The following ELL3 variants were observed in gnomAD, a reference collection of about 807,000 sequenced individuals.
ELL3 encodes the protein RNA polymerase II elongation factor ELL3.
Under a neutral mutation model 58.5 loss-of-function variants are expected in ELL3, and 48 were observed. The observed-to-expected ratio is 0.82, with a 90% CI of 0.65 to 1.04. The LOEUF (loss-of-function observed/expected upper bound fraction) is 1.04, where lower values mean the gene tolerates loss of function less well. ELL3 is among the 50% of genes least tolerant of loss of function. ELL3 has a pLI of 0.00. For synonymous variants in ELL3, 174 were observed against 173.2 expected, an observed-to-expected ratio of 1.00 and a Z score of -0.04; for missense variants, 458 against 478.4, an observed-to-expected ratio of 0.96 and a Z score of 0.40.
chr15:43,776,619 G>A, intron 1 of ELL3, 75 bp from the exon 2 acceptor site: 3 of 1,550,772 alleles, frequency 1.9e-6, no homozygotes, highest in South Asian at 1.2e-5. Flanking sequence ...CCGGAGCCCG[G>A]GATCACCTGC....
At chr15:43,775,272 T>G in intron 6 of ELL3, 34 bp downstream of exon 6, 3 of 1,555,002 alleles carry the variant, frequency 1.9e-6, no homozygotes, top group Non-Finnish European at 2.6e-6. Flanking sequence ...TATATTAATG[T>G]TACAAAAAAA....
At position 43,776,221 on chromosome 15, in the gene ELL3, G is replaced by GA. The variant is rs2086915814; in HGVS notation, c.169-71_169-70insT. 4 of 1,414,846 alleles carry GA rather than the reference G, an allele frequency of 2.8e-6. No homozygotes were observed. The East Asian group carries it at 9.3e-5, about 33-fold the overall frequency. The allele number at this position is 1,414,846 out of a possible 1,614,324, so 87.6% of individuals were successfully genotyped here. A position where few individuals can be genotyped will look rare whatever the true frequency, so the allele number is the denominator to read the frequency against. Reference sequence around the variant, plus strand: ...CCCCTCCTGCCGCCGCCACTCGTCCGGGAGCCAGTCCGTAAGTAAGACTAA... The same window carrying GA: ...CCCCTCCTGCCGCCGCCACTCGTCCGAGGAGCCAGTCCGTAAGTAAGACTAA... On this transcript the variant is annotated intron_variant, in intron 2 of 10. Coordinates refer to ENST00000319359, the MANE Select transcript of ELL3 (RefSeq NM_025165.3).
chr15:43,774,367 A>C lies in ELL3; in HGVS notation c.867-14T>G, dbSNP rs372841978. On this transcript the variant is annotated splice_polypyrimidine_tract_variant and intron_variant, in intron 8 of 10. Transcript: ENST00000319359. ...GCCCTGTATTGCCTGCCAGGAGCAG[A>C]GAGTTGTCACCTTCAATTTCATTGC... The C allele has an allele frequency of 6.2e-7, 1 of 1,613,980 alleles. No homozygotes were observed. The highest frequency in any genetic ancestry group is 2.2e-5 in the East Asian group (1 of 44,886).
rs1175315606 is a variant in ELL3, at chr15:43,774,826, GTTC to G, written c.646-56_646-54del. The G allele has an allele frequency of 6.0e-6, 9 of 1,512,454 alleles. No homozygotes were observed. In the Admixed American group the frequency reaches 9.6e-5, roughly 16 times the overall value. 93.7% of individuals were successfully genotyped at this position (1,512,454 alleles called of 1,614,324 possible). On this transcript the variant is annotated intron_variant, in intron 6 of 10. Coordinates refer to ENST00000319359, the MANE Select transcript of ELL3 (RefSeq NM_025165.3). Reference sequence around the variant, plus strand: ...AAACAGCCAAGAGCTTCCTAAATATGTTCTTCTCTCAAGAATTTCTCCTAGGCT... The same window carrying G: ...AAACAGCCAAGAGCTTCCTAAATATGTTCTCTCAAGAATTTCTCCTAGGCT...
At position 43,776,547 on chromosome 15, in the gene ELL3, G is replaced by T. The variant is rs1445391116; in HGVS notation, c.133-3C>A. On this transcript the variant is annotated splice_polypyrimidine_tract_variant and splice_region_variant and intron_variant, in intron 1 of 10. Coordinates refer to ENST00000319359, the MANE Select transcript of ELL3 (RefSeq NM_025165.3). The stretch of plus-strand genomic sequence containing the variant: ...TGGAAAGCAATCACCGGCCGTACCT[G>T]CGGGGAGAGCGAAGATGTGACCGTT... The T allele has an allele frequency of 1.3e-6, 2 of 1,566,636 alleles. No individual in the cohort carries two copies. The highest frequency in any genetic ancestry group is 1.2e-5 in the South Asian group (1 of 85,612).
rs751126448 is a variant in ELL3 at position 43,774,723 on chromosome 15, T to A, written c.696A>T (p.Arg232Ser). Residue 232 changes from arginine (R) to serine (S), a missense_variant, in exon 7 of 11, where the codon AGA becomes AGT. Transcript: ENST00000319359. Reference protein sequence around the residue: ...ATVELEEKRFRTLPLVPSPLQ... With the variant: ...ATVELEEKRFSTLPLVPSPLQ... The stretch of plus-strand genomic sequence containing the variant: ...GGGGGCTTGGCACTAAAGGCAGAGT[T>A]CTGAACCTCTTTTCTTCCAGTTCTA... 6.2e-7 allele frequency: 1 copy of A among 1,613,834 alleles called. No homozygotes were observed. Among genetic ancestry groups the A allele is most frequent in the Non-Finnish European group, 8.5e-7 (1 of 1,179,910 alleles).
Position 43,776,209 on chromosome 15 carries a change from C to T in ELL3, c.169-58G>A, listed in dbSNP as rs749404488. The T allele has an allele frequency of 4.1e-6, 6 of 1,479,580 alleles. No individual in the cohort carries two copies. In the Admixed American group the frequency reaches 8.9e-5, roughly 22 times the overall value. 91.7% of individuals were successfully genotyped at this position (1,479,580 alleles called of 1,614,324 possible). A position where few individuals can be genotyped will look rare whatever the true frequency, so the allele number is the denominator to read the frequency against. ...AGTCAGCCCCTCCCCCTCCTGCCGC[C>T]GCCACTCGTCCGGGAGCCAGTCCGT... On this transcript the variant is annotated intron_variant, in intron 2 of 10. Transcript: ENST00000319359.
At chr15:43,776,341 C>A in intron 2 of ELL3, 168 bp downstream of exon 2, 2 of 1,234,444 alleles carry the variant, frequency 1.6e-6, no homozygotes. Context: ...ACCACAGCCC[C>A]CTGGGACAAC....
rs758507980 is a variant in ELL3 at position 43,775,317 on chromosome 15, G to C, written c.634C>G (p.Arg212Gly). 1.2e-6 allele frequency: 2 copies of C among 1,612,196 alleles called. No homozygotes were observed. Among genetic ancestry groups the C allele is most frequent in the Admixed American group, 3.3e-5 (2 of 59,834 alleles). The change falls in exon 6 of 11, where the codon CGT (arginine) becomes GGT (glycine). Residue 212 changes from arginine (R) to glycine (G), a missense_variant. Physicochemically the swap from Arg to Gly is moderately radical, Grantham distance 125. Transcript: ENST00000319359. ...CCATTCTAACTTACCTTGTCCAGAC[G>C]TTTCCGGCTGGCAGAGGAAGGCAGT... ...QALPSSASRKRLDKKRSVPVA... is the reference protein window; with the variant it reads ...QALPSSASRKGLDKKRSVPVA...
intron 2 of ELL3, 172 bp downstream of exon 2, chr15:43,776,337 G>T (rs947284935): frequency 2.5e-6 from 3 of 1,202,300 alleles, no homozygotes; most frequent in Non-Finnish European, 3.6e-6. Flanking sequence ...TCAAACCACA[G>T]CCCCCTGGGA....
Position 43,775,586 on chromosome 15 carries a change from T to G in ELL3, c.508A>C (p.Ser170Arg), listed in dbSNP as rs745697910. The G allele has an allele frequency of 6.2e-7, 1 of 1,614,196 alleles. No individual in the cohort carries two copies. Among genetic ancestry groups the G allele is most frequent in the Non-Finnish European group, 8.5e-7 (1 of 1,180,020 alleles). Reference sequence around the variant, plus strand: ...CCTGGGAGTGACTGTCCTTGGTTGCTTGCCAGTGGATCTGACACTGACACC... The same window carrying G: ...CCTGGGAGTGACTGTCCTTGGTTGCGTGCCAGTGGATCTGACACTGACACC... ...EEVSVSDPLASNQGQSLPGSS... is the reference protein window; with the variant it reads ...EEVSVSDPLARNQGQSLPGSS... The change falls in exon 5 of 11, where the codon AGC (serine) becomes CGC (arginine). Residue 170 changes from serine (S) to arginine (R), a missense_variant. Transcript: ENST00000319359.
At position 43,775,873 on chromosome 15, in the gene ELL3, A is replaced by G. The variant is rs1363305115; in HGVS notation, c.332T>C (p.Ile111Thr). The change falls in exon 4 of 11, where the codon ATT (isoleucine) becomes ACT (threonine). Residue 111 changes from isoleucine (I) to threonine (T), a missense_variant. By Grantham distance (89) the Ile-to-Thr change is moderately conservative (BLOSUM62 -1). Transcript: ENST00000319359. ...GATAGAATCCATGGCTGCCCAAATAATGAGGCGCTCCCTGAGTGAGCCCAG... is the reference window on the plus strand; with the variant it reads ...GATAGAATCCATGGCTGCCCAAATAGTGAGGCGCTCCCTGAGTGAGCCCAG... ...HCLGSLRERL[I>T]IWAAMDSIPA... 1 of 1,614,196 alleles carries G rather than the reference A, an allele frequency of 6.2e-7. No homozygotes were observed. The highest frequency in any genetic ancestry group is 8.5e-7 in the Non-Finnish European group (1 of 1,180,046).
In ELL3 at chr15:43,776,508, C is replaced by T; in HGVS notation, c.168+1G>A. ...CTCACACACCCTGAGCTCGCACTTA[C>T]CCCTCGGTGGCCTTGGAAAGCAATC... On this transcript the variant is annotated splice_donor_variant, in intron 2 of 10. Coordinates refer to ENST00000319359, the MANE Select transcript of ELL3 (RefSeq NM_025165.3). LOFTEE classifies it high-confidence loss of function. 1 of 1,564,712 alleles carries T rather than the reference C, an allele frequency of 6.4e-7. No homozygotes were observed. Among genetic ancestry groups the T allele is most frequent in the Non-Finnish European group, 8.7e-7 (1 of 1,153,114 alleles).
At position 43,775,383 on chromosome 15, in the gene ELL3, T is replaced by TA. The variant is rs1567161718; in HGVS notation, c.570-3dup. On this transcript the variant is annotated splice_region_variant and splice_polypyrimidine_tract_variant and intron_variant, in intron 5 of 10. Coordinates refer to ENST00000319359, the MANE Select transcript of ELL3 (RefSeq NM_025165.3). ...CTGTTTGGAACATGGGTCTGGCTTC[T>TA]AGGATATTTTAAGGGAATGGGACAG... is the stretch of plus-strand genomic sequence containing the variant. 6.2e-7 allele frequency: 1 copy of TA among 1,613,292 alleles called. No homozygotes were observed. The highest frequency in any genetic ancestry group is 1.7e-5 in the Admixed American group (1 of 59,964).
At position 43,776,962 on chromosome 15, in the gene ELL3, C is replaced by T; in HGVS notation, c.-61G>A. ...CAGGCGAGGGCCACCACCGCCACCT[C>T]CTCTGTTCAGGGTTTGGTTGGCACA... is the stretch of plus-strand genomic sequence containing the variant. On this transcript the variant is annotated 5_prime_UTR_variant, in exon 1 of 11. Transcript: ENST00000319359. 1 of 1,596,650 alleles carries T rather than the reference C, an allele frequency of 6.3e-7. No individual in the cohort carries two copies. Among genetic ancestry groups the T allele is most frequent in the Admixed American group, 1.7e-5 (1 of 59,450 alleles).
In ELL3 at chr15:43,775,924, C is replaced by T; in HGVS notation, c.282-1G>A. On this transcript the variant is annotated splice_acceptor_variant, in intron 3 of 10. Transcript: ENST00000319359. LOFTEE classifies it high-confidence loss of function. Reference sequence around the variant, plus strand: ...GCAGTGGAGGCTGTTAGGCCCAGACCTGGAAAAGGATGGTGGAAAAAAATA... The same window carrying T: ...GCAGTGGAGGCTGTTAGGCCCAGACTTGGAAAAGGATGGTGGAAAAAAATA... The T allele has an allele frequency of 6.2e-7, 1 of 1,614,080 alleles. No individual in the cohort carries two copies. The highest frequency in any genetic ancestry group is 8.5e-7 in the Non-Finnish European group (1 of 1,180,012).
In ELL3 at chr15:43,774,531, C is replaced by T; in HGVS notation, c.824-13G>A. 6.2e-7 allele frequency: 1 copy of T among 1,614,128 alleles called. No individual in the cohort carries two copies. The highest frequency in any genetic ancestry group is 8.5e-7 in the Non-Finnish European group (1 of 1,180,016). On this transcript the variant is annotated splice_polypyrimidine_tract_variant and intron_variant, in intron 7 of 10. Coordinates refer to ENST00000319359, the MANE Select transcript of ELL3 (RefSeq NM_025165.3). Reference sequence around the variant, plus strand: ...GGGGATTCAGAATCTAGGAAGGAAGCAAGAAAACACAAGTGATTATAAGTC... The same window carrying T: ...GGGGATTCAGAATCTAGGAAGGAAGTAAGAAAACACAAGTGATTATAAGTC...
At position 43,776,019 on chromosome 15, in the gene ELL3, G is replaced by A. The variant is rs368841178; in HGVS notation, c.281+20C>T. 2 of 1,613,350 alleles carry A rather than the reference G, an allele frequency of 1.2e-6. No individual in the cohort carries two copies. The highest frequency in any genetic ancestry group is 1.3e-5 in the African/African-American group (1 of 74,960). On this transcript the variant is annotated intron_variant, in intron 3 of 10. Coordinates refer to ENST00000319359, the MANE Select transcript of ELL3 (RefSeq NM_025165.3). ...CACTTTCCACAAACCCTTTCTTGCC[G>A]GCTACCTGTTCCCCCTCACCTGAGG... is the stretch of plus-strand genomic sequence containing the variant.
Position 43,776,786 on chromosome 15 carries a change from T to A in ELL3, c.116A>T (p.Glu39Val). 1 of 1,608,910 alleles carries A rather than the reference T, an allele frequency of 6.2e-7. No homozygotes were observed. The highest frequency in any genetic ancestry group is 8.5e-7 in the Non-Finnish European group (1 of 1,176,790). The part of the protein sequence containing the change: ...LNDAALRALQ[E>V]CQRQQVRPVI... Reference sequence around the variant, plus strand: ...CGGCCGTACCTGTTGCCGCTGACACTCTTGCAGCGCCCGCAGGGCAGCGTC... The same window carrying A: ...CGGCCGTACCTGTTGCCGCTGACACACTTGCAGCGCCCGCAGGGCAGCGTC... Residue 39 changes from glutamate to valine, a missense_variant, in exon 1 of 11, where the codon GAG (glutamate) becomes GTG (valine). Coordinates refer to ENST00000319359, the MANE Select transcript of ELL3 (RefSeq NM_025165.3).
Sources: gnomAD v4.1 joint callset for allele counts on GRCh38, gnomAD v4.1.1 for gene constraint, MANE v1.5 for transcripts, NCBI Gene and HGNC (gene_info 2026-07-23, HGNC 2026-07-21) for gene names.